The following PDE1A variants were observed in gnomAD, a reference collection of about 807,000 sequenced individuals.
PDE1A encodes the protein phosphodiesterase 1A, also known as dual specificity calcium/calmodulin-dependent 3',5'-cyclic nucleotide phosphodiesterase 1A.
In PDE1A, 35 loss-of-function variants were observed where a neutral mutation model predicts 61.7. The observed-to-expected ratio is 0.57, with a 90% CI of 0.43 to 0.75. The LOEUF (loss-of-function observed/expected upper bound fraction) is 0.75. Among genes scored for constraint, PDE1A ranks in the 30% least tolerant of loss-of-function variants. The pLI, the probability that PDE1A is intolerant of heterozygous loss-of-function variation, is 0.00. For synonymous variants in PDE1A, 232 were observed against 213.2 expected (o/e 1.09, Z -0.77); for missense variants, 597 against 630.6 (o/e 0.95, Z 0.57).
intron 2 of PDE1A, among the ~76,000 whole-genome samples, chr2:182,498,045 CAAAAAAAAAAAA>C (rs57707793): frequency 1.6e-5 from 1 of 64,290 alleles, no homozygotes; most frequent in Admixed American, 2.1e-4. Context: ...GATTGCGTCT[CAAAAAAAAAAAA>C]AAAAAAAAAA....
chr2:182,141,066 C>CTA (rs1456989035), exon 15 of PDE1A: 3 of 151,078 alleles, frequency 2.0e-5, no homozygotes, highest in South Asian at 2.1e-4. Context: ...TCTTTATATT[C>CTA]CTCTACTTTT....
At chr2:182,627,097 G>T in the PDE1A span, among the ~76,000 whole-genome samples, 48 of 15,246 alleles carry the variant, frequency 3.1e-3, 7 homozygotes, top group Non-Finnish European at 3.9e-3. Flanking sequence ...GATATATTAT[G>T]TATATATAAA....
the PDE1A span, among the ~76,000 whole-genome samples, chr2:182,643,428 TG>T: frequency 3.3e-4 from 50 of 152,312 alleles, no homozygotes; most frequent in East Asian, 2.3e-3. Flanking sequence ...TGCCTGGTCT[TG>T]GGTACTGCCC....
chr2:182,677,992 C>T, the PDE1A span, among the ~76,000 whole-genome samples: 1 of 152,122 alleles, frequency 6.6e-6, no homozygotes, highest in East Asian at 1.9e-4. Flanking sequence ...CTTAATATAT[C>T]GCAGCACAAA....
chr2:182,378,241 T>G (rs1898591), intron 1 of PDE1A, among the ~76,000 whole-genome samples: 151,286 of 152,324 alleles, frequency 0.99, 75,136 homozygotes, highest in Middle Eastern at 1. Flanking sequence ...ACACAAAAGT[T>G]TGCATAATGA....
the PDE1A span, among the ~76,000 whole-genome samples, chr2:182,663,664 G>T: frequency 2.0e-5 from 3 of 152,042 alleles, no homozygotes; most frequent in Non-Finnish European, 4.4e-5. Flanking sequence ...AGACACTGGG[G>T]CCTACTGGAG....
At chr2:182,238,674 A>ATT (rs1690261030) in intron 3 of PDE1A, among the ~76,000 whole-genome samples, 2 of 152,244 alleles carry the variant, frequency 1.3e-5, no homozygotes, top group Non-Finnish European at 2.9e-5. Flanking sequence ...GATTTAAAAA[A>ATT]GACTTTATTT....
chr2:182,634,602 T>A, the PDE1A span, among the ~76,000 whole-genome samples: 1 of 152,338 alleles, frequency 6.6e-6, no homozygotes, highest in East Asian at 1.9e-4. Flanking sequence ...GGATTGCAGG[T>A]GTCACTATTA....
chr2:182,348,986 G>A (rs1165461090), intron 1 of PDE1A, among the ~76,000 whole-genome samples: 1 of 152,066 alleles, frequency 6.6e-6, no homozygotes, highest in Non-Finnish European at 1.5e-5. Flanking sequence ...AAACTAATCT[G>A]TTCTGATAAA....
At position 182,414,644 on chromosome 2, in the gene PDE1A, G is replaced by C. The variant is rs899562225; in HGVS notation, c.53+11934C>G. Among the ~76,000 whole-genome samples the C allele has an allele frequency of 1.3e-5, 2 of 152,184 alleles. 1 individual carries two copies. Among genetic ancestry groups the C allele is most frequent in the South Asian group, 4.1e-4 (2 of 4,826 alleles). The stretch of plus-strand genomic sequence containing the variant: ...AAAGAGAGGGCAGTGGGAAGGGGCA[G>C]CATCAAATTGTTATCTAGACATCTA... On this transcript the variant is annotated intron_variant, in intron 1 of 13. Coordinates refer to ENST00000351439, the Ensembl canonical transcript of PDE1A.
intron 1 of PDE1A, among the ~76,000 whole-genome samples, chr2:182,320,860 AG>A (rs1319213949): frequency 2.6e-5 from 4 of 152,202 alleles, no homozygotes; most frequent in Non-Finnish European, 5.9e-5. Context: ...CTAATTTCCA[AG>A]GTATACCCTA....
intron 13 of PDE1A, among the ~76,000 whole-genome samples, chr2:182,169,494 GA>G (rs1368771635): frequency 1.3e-5 from 2 of 151,686 alleles, no homozygotes; most frequent in Non-Finnish European, 2.9e-5. Context: ...CACACAGAAA[GA>G]AAAAAAATCT....
intron 2 of PDE1A, among the ~76,000 whole-genome samples, chr2:182,489,249 C>T (rs563685997): frequency 1.6e-3 from 237 of 152,148 alleles, no homozygotes; most frequent in Non-Finnish European, 2.9e-3. Context: ...AGCAAGAAAG[C>T]CAGTGTGGAT....
intron 2 of PDE1A, among the ~76,000 whole-genome samples, chr2:182,433,849 C>G (rs922474896): frequency 1.3e-5 from 2 of 152,058 alleles, no homozygotes; most frequent in Non-Finnish European, 2.9e-5. Context: ...ACTTCACGCT[C>G]TTATCCTGCT....
chr2:182,245,935 T>C (rs1690912048), intron 2 of PDE1A, among the ~76,000 whole-genome samples: 1 of 152,190 alleles, frequency 6.6e-6, no homozygotes, highest in African/African-American at 2.4e-5. Flanking sequence ...TTCCCACCTG[T>C]AACGAATGAG....
At chr2:182,646,312 C>A in the PDE1A span, among the ~76,000 whole-genome samples, 1 of 143,446 alleles carries the variant, frequency 7.0e-6, no homozygotes, top group African/African-American at 2.6e-5. Context: ...AAAAAATGGG[C>A]ATAGTGGTGC....
At chr2:182,381,831 T>C (rs754497133) in intron 1 of PDE1A, among the ~76,000 whole-genome samples, 2 of 151,536 alleles carry the variant, frequency 1.3e-5, no homozygotes, top group Non-Finnish European at 2.9e-5. Flanking sequence ...ATAATAATAA[T>C]AATAATTATA....
the PDE1A span, among the ~76,000 whole-genome samples, chr2:182,622,562 T>C: frequency 6.6e-6 from 1 of 152,192 alleles, no homozygotes; most frequent in African/African-American, 2.4e-5. Flanking sequence ...TAAAGAAAAA[T>C]AAATGCCCTT....
At chr2:182,547,027 G>T in the PDE1A span, among the ~76,000 whole-genome samples, 2 of 152,154 alleles carry the variant, frequency 1.3e-5, no homozygotes, top group Non-Finnish European at 2.9e-5. Flanking sequence ...GCAGCTAACT[G>T]AAGTTAGTGC....
Sources: allele counts gnomAD v4.1 joint callset (sites outside exome capture counted in the v4.1 genomes callset), GRCh38; gene constraint gnomAD v4.1.1; transcripts MANE v1.5; gene names NCBI Gene and HGNC (gene_info 2026-07-23, HGNC 2026-07-21).